The following NLRC4 variants were observed in gnomAD, a reference collection of about 807,000 sequenced individuals.
NLRC4 encodes NLR family CARD domain containing 4.
In NLRC4, 63 loss-of-function variants were observed where a neutral mutation model predicts 79.9. The observed-to-expected ratio is 0.79, with a 90% CI of 0.64 to 0.97. The LOEUF (loss-of-function observed/expected upper bound fraction) is 0.97, where lower values mean the gene tolerates loss of function less well. NLRC4 is among the 50% of genes least tolerant of loss of function. The probability of loss-of-function intolerance (pLI) is 0.00; values close to 1 mark genes in which losing one functional copy is unlikely to be tolerated. For synonymous variants in NLRC4, 461 were observed against 456.5 expected (o/e 1.01, Z -0.12); for missense variants, 1,074 against 1,215.2 (o/e 0.88, Z 1.73).
chr2:32,249,497 C>A, intron 4 of NLRC4, 110 bp downstream of exon 4: 1 of 917,884 alleles, frequency 1.1e-6, no homozygotes, highest in South Asian at 1.8e-5. Flanking sequence ...GGCCACCTTG[C>A]AGGCTGTAAC....
chr2:32,238,275 ATCT>A lies in NLRC4; in HGVS notation c.2375_2377del (p.Lys792del), dbSNP rs916616482. 43 of 1,611,352 alleles carry A rather than the reference ATCT, an allele frequency of 2.7e-5. No individual in the cohort carries two copies. The highest frequency in any genetic ancestry group is 3.5e-5 in the Non-Finnish European group (41 of 1,179,290). Reference sequence around the variant, plus strand: ...CAAGTGGGTCAAATGAAATAAACACATCTTCTTCAGGTTTTTCAGGCCTTCAGC... The same window carrying A: ...CAAGTGGGTCAAATGAAATAAACACATCTTCAGGTTTTTCAGGCCTTCAGC... On this transcript the variant is annotated inframe_deletion, in exon 6 of 9. Transcript: ENST00000402280.
intron 8 of NLRC4, among the ~76,000 whole-genome samples, chr2:32,225,584 T>C (rs1330687254): frequency 6.6e-6 from 1 of 152,192 alleles, no homozygotes; most frequent in African/African-American, 2.4e-5. Context: ...TTGGCCAGTA[T>C]ACAACATTAG....
At position 32,250,227 on chromosome 2, in the gene NLRC4, A is replaced by G; in HGVS notation, c.1637T>C (p.Leu546Pro). 1.2e-6 allele frequency: 2 copies of G among 1,614,218 alleles called. No individual in the cohort carries two copies. The highest frequency in any genetic ancestry group is 1.7e-6 in the Non-Finnish European group (2 of 1,180,048). Reference sequence around the variant, plus strand: ...AAAGGAATTGATGTTTATGGCTTTCAGAATTTCTTGCTCAGTGGTGTTTTT... The same window carrying G: ...AAAGGAATTGATGTTTATGGCTTTCGGAATTTCTTGCTCAGTGGTGTTTTT... ...SVKNTTEQEILKAININSFVE... is the reference protein window; with the variant it reads ...SVKNTTEQEIPKAININSFVE... Residue 546 changes from leucine to proline, a missense_variant, in exon 4 of 9, where the codon CTG becomes CCG. Transcript: ENST00000402280. The surrounding 1 kb of genome is among the most constrained non-coding windows in gnomAD (Gnocchi z 4.9).
At chr2:32,260,799 G>A (rs1687324253) in intron 1 of NLRC4, among the ~76,000 whole-genome samples, 1 of 152,176 alleles carries the variant, frequency 6.6e-6, no homozygotes, top group Non-Finnish European at 1.5e-5. Flanking sequence ...AGGGTGGAAT[G>A]GCCGGCTTCT....
chr2:32,252,254 T>A (rs553952155), intron 3 of NLRC4, among the ~76,000 whole-genome samples, 165 bp downstream of exon 3: 1 of 152,252 alleles, frequency 6.6e-6, no homozygotes, highest in Non-Finnish European at 1.5e-5. Flanking sequence ...TGATCTACTA[T>A]GAGTTTTTCC....
chr2:32,250,772 A>G lies in NLRC4; in HGVS notation c.1092T>C (p.His364=). The G allele has an allele frequency of 1.2e-6, 2 of 1,614,216 alleles. No individual in the cohort carries two copies. The highest frequency in any genetic ancestry group is 1.7e-6 in the Non-Finnish European group (2 of 1,180,016). The change falls in exon 4 of 9, where the codon CAT becomes CAC. Residue 364 remains histidine (H), a synonymous_variant. Transcript: ENST00000402280. This position sits in a 1 kb window ranked among gnomAD's most constrained non-coding sequence, Gnocchi z 4.9. ...TCTGTATCAACAGATCATAGAAGGT[A>G]TGGAACAGCGTTGTTTGTGTGTGAG... ...FHSHTQTTLF[H]TFYDLLIQKN...
At chr2:32,240,941 C>T (rs1364925980) in intron 5 of NLRC4, 92 bp downstream of exon 5, 1 of 760,296 alleles carries the variant, frequency 1.3e-6, no homozygotes, top group Admixed American at 2.2e-5. Flanking sequence ...AACATCCTTG[C>T]CTTGTGCAGA....
chr2:32,258,817 G>A (rs183310290), intron 1 of NLRC4, among the ~76,000 whole-genome samples: 16 of 152,282 alleles, frequency 1.1e-4, no homozygotes, highest in Non-Finnish European at 1.5e-4. Flanking sequence ...CAGGGGCCCA[G>A]AAGCCTCTGA....
chr2:32,250,480 G>A lies in NLRC4; in HGVS notation c.1384C>T (p.His462Tyr), dbSNP rs145004380. Residue 462 changes from histidine to tyrosine, a missense_variant, in exon 4 of 9, where the codon CAT (histidine) becomes TAT (tyrosine). Physicochemically the swap from His to Tyr is moderately conservative, Grantham distance 83. Coordinates refer to ENST00000402280, the MANE Select transcript of NLRC4 (RefSeq NM_001199138.2). This position sits in a 1 kb window ranked among gnomAD's most constrained non-coding sequence, Gnocchi z 4.9. ...CCCTTGGTCACCTCCTCTGGCTCAT[G>A]AGACGTCAATAAACTGCTGAGTCTT... is the stretch of plus-strand genomic sequence containing the variant. ...GRRLSSLLTS[H>Y]EPEEVTKGNG... 6.2e-7 allele frequency: 1 copy of A among 1,614,082 alleles called. No homozygotes were observed. Among genetic ancestry groups the A allele is most frequent in the African/African-American group, 1.3e-5 (1 of 74,922 alleles).
chr2:32,247,206 GGGT>G (rs1339670593), intron 4 of NLRC4, among the ~76,000 whole-genome samples: 1 of 152,210 alleles, frequency 6.6e-6, no homozygotes, highest in African/African-American at 2.4e-5. Flanking sequence ...AAGTAGGGCA[GGGT>G]GCCACTTGGC....
At chr2:32,229,749 TGAAAA>T (rs1223018672) in intron 8 of NLRC4, among the ~76,000 whole-genome samples, 1 of 152,112 alleles carries the variant, frequency 6.6e-6, no homozygotes, top group East Asian at 1.9e-4. Flanking sequence ...GAGAATGTTT[TGAAAA>T]GAAGGGAATG....
Position 32,252,622 on chromosome 2 carries a change from A to T in NLRC4, c.59T>A (p.Ile20Lys). 1.2e-6 allele frequency: 2 copies of T among 1,613,948 alleles called. No homozygotes were observed. The highest frequency in any genetic ancestry group is 1.7e-6 in the Non-Finnish European group (2 of 1,179,758). The change falls in exon 3 of 9, where the codon ATA (isoleucine) becomes AAA (lysine). Residue 20 changes from isoleucine to lysine, a missense_variant. Physicochemically the swap from Ile to Lys is moderately radical, Grantham distance 102. Transcript: ENST00000402280. The part of the protein sequence containing the change: ...ALIQRMGMTV[I>K]KQITDDLFVW... ...AAATAGGTCATCTGTGATTTGCTTTATAACAGTCATTCCCATTCTTTGAAT... is the reference window on the plus strand; with the variant it reads ...AAATAGGTCATCTGTGATTTGCTTTTTAACAGTCATTCCCATTCTTTGAAT...
chr2:32,233,674 G>C (rs1686606793), intron 8 of NLRC4, among the ~76,000 whole-genome samples: 1 of 151,994 alleles, frequency 6.6e-6, no homozygotes, highest in African/African-American at 2.4e-5. Context: ...TCAATTTTGG[G>C]GGATTTTTTA....
At position 32,236,246 on chromosome 2, in the gene NLRC4, C is replaced by T. The variant is rs780894375; in HGVS notation, c.2614+1G>A. 3 of 1,584,848 alleles carry T rather than the reference C, an allele frequency of 1.9e-6. No homozygotes were observed. Among genetic ancestry groups the T allele is most frequent in the Admixed American group, 1.7e-5 (1 of 58,458 alleles). On this transcript the variant is annotated splice_donor_variant, in intron 7 of 8. Transcript: ENST00000402280. LOFTEE classifies it high-confidence loss of function. ...AATTTTGGCTGAATTGTCATTCTTA[C>T]TCAGTTCATGAAGAGCTTCATTTCC...
chr2:32,247,798 C>T (rs1417473085), intron 4 of NLRC4, among the ~76,000 whole-genome samples: 3 of 152,010 alleles, frequency 2.0e-5, no homozygotes, highest in African/African-American at 7.2e-5. Context: ...CAAGTCCTGA[C>T]ACCTGGTAGA....
chr2:32,236,371 A>G (rs781270768), intron 6 of NLRC4, 32 bp from the exon 7 acceptor site: 1 of 1,315,972 alleles, frequency 7.6e-7, no homozygotes, highest in Non-Finnish European at 1.1e-6. Context: ...AAATAAAAAG[A>G]TTTTCAGGTA....
intron 4 of NLRC4, among the ~76,000 whole-genome samples, chr2:32,243,083 A>G (rs945347686): frequency 6.6e-6 from 1 of 151,088 alleles, no homozygotes; most frequent in Non-Finnish European, 1.5e-5. Flanking sequence ...AGAATAGAGA[A>G]AGAAAGGAGG....
intron 6 of NLRC4, among the ~76,000 whole-genome samples, chr2:32,237,708 C>A (rs1686704609): frequency 6.6e-6 from 1 of 152,186 alleles, no homozygotes; most frequent in South Asian, 2.1e-4. Context: ...TCATATCATG[C>A]ACATTAACTT....
At chr2:32,259,871 GTTGC>G (rs760304911) in intron 1 of NLRC4, among the ~76,000 whole-genome samples, 3 of 103,542 alleles carry the variant, frequency 2.9e-5, no homozygotes, top group Non-Finnish European at 6.5e-5. Flanking sequence ...CACTCATGCT[GTTGC>G]TTGCAGTATA....
Sources: gnomAD v4.1 joint callset for allele counts (sites outside exome capture counted in the v4.1 genomes callset) on GRCh38, gnomAD v4.1.1 for gene constraint, Gnocchi (gnomAD v3.1) non-coding constraint, MANE v1.5 for transcripts, NCBI Gene and HGNC (gene_info 2026-07-23, HGNC 2026-07-21) for gene names.